Variants in NCAM2 observed in about 807,000 individuals in gnomAD.
The protein encoded by NCAM2 is N-CAM-2.
NCAM2 carries 30 observed loss-of-function variants against 98.1 expected under a neutral mutation model. That is an observed-to-expected ratio of 0.31 (90% confidence interval 0.23 to 0.41). The LOEUF (loss-of-function observed/expected upper bound fraction) is 0.41. Among genes scored for constraint, NCAM2 ranks in the 10% least tolerant of loss-of-function variants. NCAM2 has a pLI of 1.00. For missense variants in NCAM2, 867 were observed against 1,005.8 expected (o/e 0.86, Z 1.87); for synonymous variants, 368 against 342.4 (o/e 1.07, Z -0.83).
chr21:21,432,468 G>A (rs1008500539), intron 12 of NCAM2, among the ~76,000 whole-genome samples, 187 bp downstream of exon 12: 1 of 151,248 alleles, frequency 6.6e-6, no homozygotes, highest in African/African-American at 2.4e-5. Flanking sequence ...TCCATCTTCA[G>A]TAAAAATGAA....
intron 1 of NCAM2, among the ~76,000 whole-genome samples, chr21:21,055,158 G>T (rs1214935655): frequency 1.3e-5 from 2 of 151,872 alleles, no homozygotes; most frequent in Admixed American, 6.6e-5. Context: ...TGTAAATTCA[G>T]AAAGGTGATT....
At position 21,125,380 on chromosome 21, in the gene NCAM2, A is replaced by T. The variant is rs74197758; in HGVS notation, c.55+126762A>T. ...TATTTTACATATATATGTAATATAT[A>T]ATATTTTACATATATATGTAATATA... On this transcript the variant is annotated intron_variant, in intron 1 of 17. Transcript: ENST00000400546. 3.1e-3 allele frequency among the ~76,000 whole-genome samples: 399 copies of T among 127,834 alleles called. 4 individuals are homozygous for T. The highest frequency in any genetic ancestry group is 9.0e-3 in the Middle Eastern group (2 of 222). The allele number at this position is 127,834 out of a possible 152,430, so 83.9% of individuals were successfully genotyped here. A position where few individuals can be genotyped will look rare whatever the true frequency, so the allele number is the denominator to read the frequency against.
At chr21:21,477,130 A>G (rs1985270465) in intron 14 of NCAM2, among the ~76,000 whole-genome samples, 161 bp from the exon 15 acceptor site, 1 of 152,116 alleles carries the variant, frequency 6.6e-6, no homozygotes, top group African/African-American at 2.4e-5. Context: ...TGGAAATAAT[A>G]CTGGCTTCAT....
intron 1 of NCAM2, among the ~76,000 whole-genome samples, chr21:21,038,624 T>G (rs1789917754): frequency 6.6e-6 from 1 of 152,208 alleles, no homozygotes; most frequent in South Asian, 2.1e-4. Context: ...TTGCTTCTCC[T>G]TCCACCAAGG....
chr21:21,335,744 C>G lies in NCAM2; in HGVS notation c.898+79C>G. On this transcript the variant is annotated intron_variant, in intron 7 of 17. Coordinates refer to ENST00000400546, the MANE Select transcript of NCAM2 (RefSeq NM_004540.5). ...TGAAATTCTACTCTAATCATTTGAA[C>G]TATTTAAACTTTCCATATTAAATCT... 3 of 1,134,084 alleles carry G rather than the reference C, an allele frequency of 2.6e-6. No homozygotes were observed. In the East Asian group the frequency reaches 8.8e-5, roughly 33 times the overall value. The allele number at this position is 1,134,084 out of a possible 1,614,324, so 70.3% of individuals were successfully genotyped here.
At chr21:21,394,781 T>C (rs2076465785) in intron 9 of NCAM2, among the ~76,000 whole-genome samples, 1 of 152,140 alleles carries the variant, frequency 6.6e-6, no homozygotes. Flanking sequence ...AAAATAATTA[T>C]AAAGGTCTAA....
At chr21:21,225,254 CAG>C (rs986344219) in intron 1 of NCAM2, among the ~76,000 whole-genome samples, 1 of 151,894 alleles carries the variant, frequency 6.6e-6, no homozygotes, top group African/African-American at 2.4e-5. Flanking sequence ...TGGGGCTTGT[CAG>C]GGGGTCGGGA....
At chr21:21,119,091 A>G (rs947634425) in intron 1 of NCAM2, among the ~76,000 whole-genome samples, 1 of 152,090 alleles carries the variant, frequency 6.6e-6, no homozygotes, top group Non-Finnish European at 1.5e-5. Context: ...CAGAAGTTCA[A>G]CTGTCATTTT....
intron 1 of NCAM2, among the ~76,000 whole-genome samples, chr21:21,099,849 T>C (rs73332329): frequency 4.9e-4 from 75 of 152,106 alleles, no homozygotes; most frequent in African/African-American, 1.8e-3. Context: ...TTATGTCATC[T>C]TTACTTCTAC....
chr21:21,221,189 A>G (rs1333771833), intron 1 of NCAM2, among the ~76,000 whole-genome samples: 1 of 152,076 alleles, frequency 6.6e-6, no homozygotes, highest in Non-Finnish European at 1.5e-5. Flanking sequence ...TGTTTCATTC[A>G]TTGGCCAGTC....
chr21:21,008,161 T>C (rs1477591280), intron 1 of NCAM2, among the ~76,000 whole-genome samples: 3 of 101,722 alleles, frequency 2.9e-5, no homozygotes, highest in African/African-American at 1.1e-4. Flanking sequence ...ATTTACGTGC[T>C]TTTGATTAAA....
chr21:21,130,177 T>C (rs1226218915), intron 1 of NCAM2, among the ~76,000 whole-genome samples: 3 of 152,114 alleles, frequency 2.0e-5, no homozygotes, highest in Non-Finnish European at 4.4e-5. Context: ...GTGTGAAATG[T>C]CTTTTGAATT....
intron 2 of NCAM2, among the ~76,000 whole-genome samples, chr21:21,282,768 C>A (rs1042550090): frequency 6.6e-6 from 1 of 151,668 alleles, no homozygotes; most frequent in African/African-American, 2.4e-5. Context: ...TATAAATAAT[C>A]TGTACGTACA....
At chr21:21,292,326 A>T in intron 5 of NCAM2, 85 bp downstream of exon 5, 1 of 1,356,514 alleles carries the variant, frequency 7.4e-7, no homozygotes, top group Non-Finnish European at 1.0e-6. Flanking sequence ...AACTCAAAAT[A>T]CAAGTCTTAT....
intron 12 of NCAM2, among the ~76,000 whole-genome samples, chr21:21,460,474 C>A (rs912670769): frequency 6.6e-6 from 1 of 151,882 alleles, no homozygotes; most frequent in African/African-American, 2.4e-5. Context: ...TTCCCTAAAA[C>A]AAACTTTAAT....
rs1990241909 is a variant in NCAM2 at position 21,541,748 on chromosome 21, T to C, written c.*3791T>C. 6.6e-6 allele frequency: 1 copy of C among 151,766 alleles called. No individual in the cohort carries two copies. Among genetic ancestry groups the C allele is most frequent in the East Asian group, 1.9e-4 (1 of 5,198 alleles). The allele number at this position is 151,766 out of a possible 1,614,324, so 9.4% of individuals were successfully genotyped here. ...TAGGAAATATTGGAATAGCATATTA[T>C]AATTATTTATGAGGTTCCCAATGTT... On this transcript the variant is annotated 3_prime_UTR_variant, in exon 18 of 18. Transcript: ENST00000400546.
chr21:21,512,797 T>C (rs754238242), intron 16 of NCAM2, among the ~76,000 whole-genome samples: 2 of 152,052 alleles, frequency 1.3e-5, no homozygotes, highest in Non-Finnish European at 2.9e-5. Context: ...AGAGATGTTT[T>C]ACTTATTCAC....
intron 8 of NCAM2, among the ~76,000 whole-genome samples, chr21:21,358,185 C>G (rs1379875991): frequency 6.6e-6 from 1 of 152,044 alleles, no homozygotes; most frequent in African/African-American, 2.4e-5. Flanking sequence ...CTATATTTCC[C>G]TGATATTCTG....
At chr21:21,166,210 A>T (rs1232735354) in intron 1 of NCAM2, among the ~76,000 whole-genome samples, 2 of 151,990 alleles carry the variant, frequency 1.3e-5, no homozygotes, top group African/African-American at 4.8e-5. Flanking sequence ...TATATTATTT[A>T]TTTATTTAAT....
Sources: gnomAD v4.1 joint callset for allele counts (sites outside exome capture counted in the v4.1 genomes callset) on GRCh38, gnomAD v4.1.1 for gene constraint, MANE v1.5 for transcripts, NCBI Gene and HGNC (gene_info 2026-07-23, HGNC 2026-07-21) for gene names.